The following RAB9A variants were observed in gnomAD, a reference collection of about 807,000 sequenced individuals.
The protein encoded by RAB9A is RAB9A, member RAS oncogene family, also known as ras-related protein Rab-9A.
RAB9A carries 1 observed loss-of-function variant against 10.3 expected under a neutral mutation model. The ratio of observed to expected loss-of-function variants is 0.10; its 90% CI spans 0.03 to 0.46. RAB9A has a LOEUF of 0.46. Ranked by LOEUF, RAB9A falls within the 20% of genes least tolerant of loss-of-function variation. The pLI is 0.96. For synonymous variants in RAB9A, 39 were observed against 55.2 expected (o/e 0.71, Z 1.30); for missense variants, 92 against 150.3 (o/e 0.61, Z 2.03).
At chrX:13,706,456 A>G (rs1469217124) in intron 2 of RAB9A, among the ~76,000 whole-genome samples, 3 of 111,005 alleles carry the variant, frequency 2.7e-5, no homozygotes, top group Non-Finnish European at 3.8e-5. Context: ...CAGTGGTGCA[A>G]TCTCAGCTCA....
In RAB9A at chrX:13,706,355, GTATTAA is replaced by G. The variant is rs201445835; in HGVS notation, c.-26-2358_-26-2353del. 8.1e-3 allele frequency among the ~76,000 whole-genome samples: 896 copies of G among 111,144 alleles called. 4 individuals carry two copies. Among genetic ancestry groups the G allele is most frequent in the African/African-American group, 0.023 (699 of 30,560 alleles). ...ACACTTGTGTTGGACAGTTTAAATT[GTATTAA>G]TATTAATTATAGTAGTAATTACTGT... On this transcript the variant is annotated intron_variant, in intron 2 of 2. Transcript: ENST00000464506.
intron 2 of RAB9A, among the ~76,000 whole-genome samples, chrX:13,704,531 A>G (rs908965563): frequency 2.7e-5 from 3 of 111,505 alleles, no homozygotes; most frequent in African/African-American, 9.8e-5. Flanking sequence ...TTTTTTATGT[A>G]GATAATGATG....
intron 1 of RAB9A, among the ~76,000 whole-genome samples, chrX:13,691,188 A>T (rs2046120919): frequency 8.9e-6 from 1 of 111,910 alleles, no homozygotes; most frequent in Admixed American, 9.5e-5. Context: ...CCAAAATGTC[A>T]CTAGTGCCAC....
At chrX:13,689,521 A>G (rs142709453) in intron 1 of RAB9A, among the ~76,000 whole-genome samples, 1,709 of 111,586 alleles carry the variant, frequency 0.015, 30 homozygotes, top group African/African-American at 0.054. Context: ...AGAAACACAC[A>G]CAAACACTGG....
chrX:13,702,451 A>G (rs2046178372), intron 1 of RAB9A, among the ~76,000 whole-genome samples: 1 of 112,213 alleles, frequency 8.9e-6, no homozygotes, highest in Non-Finnish European at 1.9e-5. Context: ...ACAGTCTCTC[A>G]TTAACACAGT....
intron 1 of RAB9A, among the ~76,000 whole-genome samples, chrX:13,702,170 C>G (rs2046177165): frequency 1.8e-5 from 2 of 111,837 alleles, no homozygotes; most frequent in Admixed American, 9.5e-5. Flanking sequence ...TCAGGCCTAC[C>G]TTGAGTTCTC....
At chrX:13,700,457 G>A (rs184315468) in intron 1 of RAB9A, among the ~76,000 whole-genome samples, 50 of 112,046 alleles carry the variant, frequency 4.5e-4, no homozygotes, top group Non-Finnish European at 5.6e-5. Flanking sequence ...GAAGGAAAGG[G>A]TTAACATAAA....
chrX:13,697,097 C>T lies in RAB9A; in HGVS notation c.-115-6717C>T, dbSNP rs184068175. Among the ~76,000 whole-genome samples, 467 of 111,216 alleles carry T rather than the reference C, an allele frequency of 4.2e-3. 1 individual carries two copies. Among genetic ancestry groups the T allele is most frequent in the African/African-American group, 0.015 (444 of 30,573 alleles). ...ACTTCTCTAACAGTCGAGAAGTTTC[C>T]TTTTGCTGTGGCTCCATGCCTTGTG... is the stretch of plus-strand genomic sequence containing the variant. On this transcript the variant is annotated intron_variant, in intron 1 of 2. Transcript: ENST00000464506.
chrX:13,695,348 G>A (rs1008747736), intron 1 of RAB9A, among the ~76,000 whole-genome samples: 1 of 112,035 alleles, frequency 8.9e-6, no homozygotes, highest in African/African-American at 3.2e-5. Flanking sequence ...GGGTGGGAGT[G>A]AAGATAACAC....
At chrX:13,697,471 C>T (rs1287620378) in intron 1 of RAB9A, among the ~76,000 whole-genome samples, 1 of 111,668 alleles carries the variant, frequency 9.0e-6, no homozygotes, top group Admixed American at 9.5e-5. Flanking sequence ...GTACCTTTTA[C>T]AGGTAAGTGT....
chrX:13,703,023 A>C (rs920117088), intron 1 of RAB9A, among the ~76,000 whole-genome samples: 1 of 112,928 alleles, frequency 8.9e-6, no homozygotes, highest in Non-Finnish European at 1.9e-5. Context: ...AGACACTCAC[A>C]TGTGCTTTAT....
At chrX:13,689,992 A>G (rs1477308764) in intron 1 of RAB9A, among the ~76,000 whole-genome samples, 5 of 102,972 alleles carry the variant, frequency 4.9e-5, no homozygotes, top group African/African-American at 1.8e-4. Context: ...GTAAGGGATG[A>G]CACATCTCGT....
intron 1 of RAB9A, among the ~76,000 whole-genome samples, chrX:13,689,701 A>G (rs983591335): frequency 9.0e-6 from 1 of 111,366 alleles, no homozygotes; most frequent in Non-Finnish European, 1.9e-5. Flanking sequence ...AGGGAAAACA[A>G]AGGCGCTCCC....
chrX:13,704,835 G>A (rs761727465), intron 2 of RAB9A, among the ~76,000 whole-genome samples: 1 of 111,166 alleles, frequency 9.0e-6, no homozygotes, highest in East Asian at 2.8e-4. Context: ...GGCCAGGCTG[G>A]TCTCGAACTC....
chrX:13,699,535 T>G (rs1411872726), intron 1 of RAB9A, among the ~76,000 whole-genome samples: 1 of 112,195 alleles, frequency 8.9e-6, no homozygotes, highest in Admixed American at 9.4e-5. Context: ...TGAAGGTGAT[T>G]AGAGCATAAG....
chrX:13,707,938 T>C (rs1157386359), intron 2 of RAB9A, among the ~76,000 whole-genome samples: 1 of 111,085 alleles, frequency 9.0e-6, no homozygotes, highest in Non-Finnish European at 1.9e-5. Context: ...TGAAGAGAGG[T>C]GGAGGGAGTA....
chrX:13,690,420 C>A (rs998149957), intron 1 of RAB9A, among the ~76,000 whole-genome samples: 1 of 112,069 alleles, frequency 8.9e-6, no homozygotes, highest in Non-Finnish European at 1.9e-5. Flanking sequence ...CTCGTTTATA[C>A]TACAAAGTTT....
chrX:13,691,155 C>T (rs1388222449), intron 1 of RAB9A, among the ~76,000 whole-genome samples: 4 of 111,069 alleles, frequency 3.6e-5, no homozygotes, highest in African/African-American at 1.3e-4. Flanking sequence ...ACAGGACAGC[C>T]CCCCACAACA....
At chrX:13,695,698 C>G (rs1411455716) in intron 1 of RAB9A, among the ~76,000 whole-genome samples, 1 of 111,972 alleles carries the variant, frequency 8.9e-6, no homozygotes, top group Non-Finnish European at 1.9e-5. Flanking sequence ...CATCAGGGTA[C>G]CAGATGAACA....
Sources: allele counts gnomAD v4.1 joint callset (sites outside exome capture counted in the v4.1 genomes callset), GRCh38; gene constraint gnomAD v4.1.1; transcripts MANE v1.5; gene names NCBI Gene and HGNC (gene_info 2026-07-23, HGNC 2026-07-21).